Variants in PLCH1 observed in about 807,000 individuals in gnomAD.
PLCH1 encodes phospholipase C eta 1, also known as 1-phosphatidylinositol 4,5-bisphosphate phosphodiesterase eta-1.
A neutral mutation model predicts 126.7 loss-of-function variants in PLCH1; 60 were observed. The observed-to-expected ratio is 0.47, with a 90% CI of 0.38 to 0.59. The LOEUF (loss-of-function observed/expected upper bound fraction) is 0.59. Among genes scored for constraint, PLCH1 ranks in the 20% least tolerant of loss-of-function variants. The pLI is 0.00. For missense variants in PLCH1, 1,723 were observed against 2,040.0 expected (o/e 0.84, Z 2.99); for synonymous variants, 719 against 734.9 (o/e 0.98, Z 0.35).
chr3:155,666,504 A>T (rs1486960795), intron 2 of PLCH1, among the ~76,000 whole-genome samples: 1 of 152,226 alleles, frequency 6.6e-6, no homozygotes, highest in Non-Finnish European at 1.5e-5. Flanking sequence ...CAACTGGGCT[A>T]AGTGAATAGA....
chr3:155,587,754 G>A (rs930673116), intron 4 of PLCH1, among the ~76,000 whole-genome samples: 1 of 152,208 alleles, frequency 6.6e-6, no homozygotes, highest in African/African-American at 2.4e-5. Context: ...GCTTTACATA[G>A]TGAGAATGCA....
intron 1 of PLCH1, among the ~76,000 whole-genome samples, chr3:155,710,595 G>A (rs951307323): frequency 6.6e-6 from 1 of 152,126 alleles, no homozygotes; most frequent in African/African-American, 2.4e-5. Context: ...CACTTTGGGA[G>A]GCCGAGGTGG....
At chr3:155,562,801 C>A (rs185199341) in intron 8 of PLCH1, among the ~76,000 whole-genome samples, 3 of 152,278 alleles carry the variant, frequency 2.0e-5, no homozygotes, top group Non-Finnish European at 2.9e-5. Flanking sequence ...TCTCTTGTCC[C>A]CTTTATTCCA....
chr3:155,652,768 C>T (rs1332042637), intron 2 of PLCH1, among the ~76,000 whole-genome samples: 1 of 152,146 alleles, frequency 6.6e-6, no homozygotes, highest in African/African-American at 2.4e-5. Context: ...AGTCATAACC[C>T]ACCCTCTCAG....
chr3:155,612,081 C>T (rs1296657799), intron 2 of PLCH1, among the ~76,000 whole-genome samples: 3 of 152,094 alleles, frequency 2.0e-5, no homozygotes. Context: ...CTTTGGGATG[C>T]TGAGGCGGGC....
At chr3:155,463,589 T>C (rs1712809820) in intron 21 of PLCH1, among the ~76,000 whole-genome samples, 1 of 152,190 alleles carries the variant, frequency 6.6e-6, no homozygotes, top group African/African-American at 2.4e-5. Context: ...TTCTGGAATC[T>C]ATGAAGTGGG....
chr3:155,724,975 T>C (rs1748216387), intron 1 of PLCH1, among the ~76,000 whole-genome samples: 1 of 152,168 alleles, frequency 6.6e-6, no homozygotes, highest in African/African-American at 2.4e-5. Context: ...GGCTTAGTAG[T>C]TGTGAATTTT....
chr3:155,596,523 G>T, intron 2 of PLCH1, 145 bp from the exon 3 acceptor site: 1 of 497,322 alleles, frequency 2.0e-6, no homozygotes, highest in Non-Finnish European at 3.4e-6. Flanking sequence ...TCTGAAAAGT[G>T]AGTTGTTAAG....
chr3:155,624,136 C>T (rs1238985648), intron 2 of PLCH1, among the ~76,000 whole-genome samples: 1 of 152,156 alleles, frequency 6.6e-6, no homozygotes, highest in African/African-American at 2.4e-5. Flanking sequence ...ATAAACAGAA[C>T]CAATGACAAA....
chr3:155,542,691 T>A (rs1435935856), intron 10 of PLCH1, among the ~76,000 whole-genome samples: 2 of 152,268 alleles, frequency 1.3e-5, no homozygotes, highest in South Asian at 4.1e-4. Flanking sequence ...GAGACAAAAC[T>A]TCCAGAGAAA....
intron 10 of PLCH1, among the ~76,000 whole-genome samples, chr3:155,538,806 G>A (rs9826383): frequency 0.19 from 28,389 of 151,850 alleles, 3,263 homozygotes; most frequent in African/African-American, 0.32. Flanking sequence ...ATGGATTCAC[G>A]GCTTAATTCT....
intron 22 of PLCH1, chr3:155,483,366 T>A (rs765678729): frequency 4.5e-5 from 69 of 1,545,008 alleles, no homozygotes; most frequent in Admixed American, 2.0e-4. Context: ...TGTTTCCTAT[T>A]CAGATTTGTA....
At chr3:155,567,870 T>C (rs1403716495) in intron 7 of PLCH1, among the ~76,000 whole-genome samples, 1 of 152,194 alleles carries the variant, frequency 6.6e-6, no homozygotes, top group East Asian at 1.9e-4. Flanking sequence ...GGCAAGTCAC[T>C]AGTCTCAGGG....
intron 10 of PLCH1, among the ~76,000 whole-genome samples, chr3:155,547,784 G>A (rs539326335): frequency 4.0e-5 from 6 of 149,628 alleles, no homozygotes; most frequent in East Asian, 4.0e-4. Context: ...GTAAACTATC[G>A]CAAGAACAAA....
At chr3:155,566,236 TATAC>T (rs1180815374) in intron 7 of PLCH1, among the ~76,000 whole-genome samples, 1 of 111,852 alleles carries the variant, frequency 8.9e-6, no homozygotes, top group African/African-American at 3.3e-5. Flanking sequence ...TACACATATA[TATAC>T]ATATATATAC....
intron 10 of PLCH1, among the ~76,000 whole-genome samples, chr3:155,545,876 T>C (rs1245739334): frequency 6.6e-6 from 1 of 152,208 alleles, no homozygotes; most frequent in Non-Finnish European, 1.5e-5. Flanking sequence ...TAGGTATTGA[T>C]GGGACATATC....
At chr3:155,572,729 C>T (rs1729377090) in intron 6 of PLCH1, among the ~76,000 whole-genome samples, 2 of 150,612 alleles carry the variant, frequency 1.3e-5, no homozygotes, top group South Asian at 4.2e-4. Flanking sequence ...CTCGTGGCAT[C>T]CTTTTATTTC....
intron 2 of PLCH1, among the ~76,000 whole-genome samples, chr3:155,610,897 C>T (rs890330582): frequency 6.6e-6 from 1 of 152,062 alleles, no homozygotes; most frequent in Non-Finnish European, 1.5e-5. Flanking sequence ...GGCCTAAATG[C>T]TCCACTTGAA....
At chr3:155,741,275 C>T (rs1749599904) in intron 1 of PLCH1, among the ~76,000 whole-genome samples, 1 of 152,116 alleles carries the variant, frequency 6.6e-6, no homozygotes, top group Non-Finnish European at 1.5e-5. Context: ...TAAGCCCCTG[C>T]TAGTGAGAAG....
Sources: gnomAD v4.1 joint callset for allele counts (sites outside exome capture counted in the v4.1 genomes callset) on GRCh38, gnomAD v4.1.1 for gene constraint, MANE v1.5 for transcripts, NCBI Gene and HGNC (gene_info 2026-07-23, HGNC 2026-07-21) for gene names.